Variants in OC90 observed in about 807,000 individuals in gnomAD.
The protein encoded by OC90 is otoconin 90, also known as otoconin-90.
OC90 carries 46 observed loss-of-function variants against 47.3 expected under a neutral mutation model. That is an observed-to-expected ratio of 0.97 (90% CI 0.77 to 1.24). OC90 has a LOEUF of 1.24. Ranked by LOEUF, OC90 falls within the 50% of genes most tolerant of loss-of-function variation. The probability of loss-of-function intolerance (pLI) is 0.00; values close to 1 mark genes in which losing one functional copy is unlikely to be tolerated. For synonymous variants in OC90, 271 were observed against 219.5 expected, an observed-to-expected ratio of 1.23 and a Z score of -2.07; for missense variants, 688 against 583.9, an observed-to-expected ratio of 1.18 and a Z score of -1.84.
rs112589631 is a variant in OC90, at chr8:132,024,314, C to A, written c.*167G>T. 1.8e-6 allele frequency: 1 copy of A among 562,212 alleles called. No individual in the cohort carries two copies. The highest frequency in any genetic ancestry group is 1.9e-5 in the African/African-American group (1 of 53,726). The allele number at this position is 562,212 out of a possible 1,614,324, so 34.8% of individuals were successfully genotyped here. A position where few individuals can be genotyped will look rare whatever the true frequency, so the allele number is the denominator to read the frequency against. On this transcript the variant is annotated 3_prime_UTR_variant, in exon 14 of 14. Coordinates refer to ENST00000254627, the MANE Select transcript of OC90 (RefSeq NM_001080399.3). ...AAGTGTACATTGGCTTGTGAGGTGA[C>A]CACAGCTGATGAGGCATGGGCAGGG...
intron 2 of OC90, among the ~76,000 whole-genome samples, chr8:132,050,723 C>T (rs555319580): frequency 3.9e-5 from 6 of 152,144 alleles, no homozygotes; most frequent in African/African-American, 7.2e-5. Context: ...CTGCATAGGC[C>T]GGGCGCGGTG....
chr8:132,038,259 G>GA (rs1159701227), intron 8 of OC90, among the ~76,000 whole-genome samples: 1 of 152,166 alleles, frequency 6.6e-6, no homozygotes, highest in East Asian at 1.9e-4. Context: ...ACCCTGTTCT[G>GA]AAAATAAACA....
At position 132,041,537 on chromosome 8, in the gene OC90, T is replaced by G; in HGVS notation, c.332A>C (p.Asp111Ala). The change falls in exon 5 of 14, where the codon GAT (aspartate) becomes GCT (alanine). Residue 111 changes from aspartate (D) to alanine (A), a missense_variant. Asp to Ala is a moderately radical substitution (Grantham distance 126, BLOSUM62 -2). Coordinates refer to ENST00000254627, the MANE Select transcript of OC90 (RefSeq NM_001080399.3). ...CRFEMEGLPV[D>A]ESDSCCFQHR... Reference sequence around the variant, plus strand: ...GGAACTCACTTACCTGTCAGATTCATCCACAGGCAACCCTTCCATCTCAAA... The same window carrying G: ...GGAACTCACTTACCTGTCAGATTCAGCCACAGGCAACCCTTCCATCTCAAA... 1 of 1,611,464 alleles carries G rather than the reference T, an allele frequency of 6.2e-7. No homozygotes were observed. The highest frequency in any genetic ancestry group is 8.5e-7 in the Non-Finnish European group (1 of 1,178,818).
chr8:132,033,900 G>A (rs1433610431), intron 10 of OC90, among the ~76,000 whole-genome samples: 1 of 152,196 alleles, frequency 6.6e-6, no homozygotes, highest in Non-Finnish European at 1.5e-5. Flanking sequence ...CTGGAGTATT[G>A]GGTAAGGTCT....
Position 132,037,501 on chromosome 8 carries a change from A to G in OC90, c.629-13T>C. On this transcript the variant is annotated splice_polypyrimidine_tract_variant and intron_variant, in intron 8 of 13. Coordinates refer to ENST00000254627, the MANE Select transcript of OC90 (RefSeq NM_001080399.3). ...TCCACAGGAACCACTGGAAAAAGAG[A>G]GTTCCCAATAGCAGTGACTCATGCA... 1 of 1,570,038 alleles carries G rather than the reference A, an allele frequency of 6.4e-7. No homozygotes were observed. Among genetic ancestry groups the G allele is most frequent in the Non-Finnish European group, 8.6e-7 (1 of 1,156,350 alleles).
chr8:132,038,769 A>T, intron 8 of OC90, 21 bp downstream of exon 8: 1 of 1,610,320 alleles, frequency 6.2e-7, no homozygotes, highest in Non-Finnish European at 8.5e-7. Context: ...TTCAAGAGCC[A>T]CCAACCCTGG....
intron 8 of OC90, 136 bp downstream of exon 8, chr8:132,038,654 G>A (rs1049421073): frequency 9.7e-6 from 7 of 718,128 alleles, no homozygotes; most frequent in South Asian, 6.2e-5. Context: ...CCTAGCCAGA[G>A]AAGGCAGGAC....
intron 1 of OC90, among the ~76,000 whole-genome samples, chr8:132,056,342 G>T (rs1345384487): frequency 2.6e-5 from 4 of 152,198 alleles, no homozygotes; most frequent in African/African-American, 9.6e-5. Context: ...CTTGGTATTA[G>T]GGAAAGTGTC....
At chr8:132,047,713 C>T (rs866859066) in intron 2 of OC90, among the ~76,000 whole-genome samples, 1 of 151,966 alleles carries the variant, frequency 6.6e-6, no homozygotes, top group African/African-American at 2.4e-5. Flanking sequence ...AAATGGGAAA[C>T]TATGGTAAAG....
intron 2 of OC90, among the ~76,000 whole-genome samples, chr8:132,051,674 G>A (rs1823213359): frequency 1.3e-5 from 2 of 152,252 alleles, no homozygotes; most frequent in South Asian, 2.1e-4. Context: ...GACTCCTGGC[G>A]GTAACATGTG....
At chr8:132,058,781 C>T (rs894714228) in intron 1 of OC90, among the ~76,000 whole-genome samples, 4 of 152,208 alleles carry the variant, frequency 2.6e-5, no homozygotes, top group South Asian at 2.1e-4. Flanking sequence ...CACCAGGTGC[C>T]GTGGGCGGGG....
chr8:132,031,786 G>C lies in OC90; in HGVS notation c.1031+95C>G, dbSNP rs79118044. ...GCACCAAGCATTTAGTGAGGCCCAAGTTTCAGCCTGGTGTCCAGGAGGGCT... is the reference window on the plus strand; with the variant it reads ...GCACCAAGCATTTAGTGAGGCCCAACTTTCAGCCTGGTGTCCAGGAGGGCT... On this transcript the variant is annotated intron_variant, in intron 12 of 13. Coordinates refer to ENST00000254627, the MANE Select transcript of OC90 (RefSeq NM_001080399.3). 2.5e-3 allele frequency: 2,765 copies of C among 1,106,256 alleles called. 41 individuals carry two copies. The African/African-American group carries it at 0.037, about 15-fold the overall frequency. The allele number at this position is 1,106,256 out of a possible 1,614,324, so 68.5% of individuals were successfully genotyped here. A position where few individuals can be genotyped will look rare whatever the true frequency, so the allele number is the denominator to read the frequency against.
intron 8 of OC90, among the ~76,000 whole-genome samples, chr8:132,037,914 G>A (rs1015834092): frequency 3.9e-5 from 6 of 152,182 alleles, no homozygotes; most frequent in Admixed American, 2.6e-4. Context: ...TCACGCTCAC[G>A]CTCATGTACA....
At chr8:132,058,124 A>G (rs937990692) in intron 1 of OC90, among the ~76,000 whole-genome samples, 1 of 152,210 alleles carries the variant, frequency 6.6e-6, no homozygotes, top group Non-Finnish European at 1.5e-5. Flanking sequence ...ACAAAGAAGG[A>G]AAGTCAGTGC....
chr8:132,034,763 G>T lies in OC90; in HGVS notation c.733+18C>A. The T allele has an allele frequency of 6.3e-7, 1 of 1,582,110 alleles. No homozygotes were observed. The highest frequency in any genetic ancestry group is 8.7e-7 in the Non-Finnish European group (1 of 1,152,858). On this transcript the variant is annotated intron_variant, in intron 10 of 13. Transcript: ENST00000254627. Reference sequence around the variant, plus strand: ...AAATGTGTCATGAACATAGGCAGGTGGAGCCCAGTAGGCTTACCTGGAGGG... The same window carrying T: ...AAATGTGTCATGAACATAGGCAGGTTGAGCCCAGTAGGCTTACCTGGAGGG...
At position 132,029,091 on chromosome 8, in the gene OC90, C is replaced by T; in HGVS notation, c.1120G>A (p.Val374Met). Reference sequence around the variant, plus strand: ...CACTTACACTTGGGCGTATGATCCACACACACCACCGGTGACCAAGGAAGC... The same window carrying T: ...CACTTACACTTGGGCGTATGATCCATACACACCACCGGTGACCAAGGAAGC... ...ERLPWSPVVC[V>M]DHTPKCGGQS... Residue 374 changes from valine to methionine, a missense_variant, in exon 13 of 14, where the codon GTG (valine) becomes ATG (methionine). Coordinates refer to ENST00000254627, the MANE Select transcript of OC90 (RefSeq NM_001080399.3). 1.9e-6 allele frequency: 3 copies of T among 1,613,528 alleles called. No individual in the cohort carries two copies. The highest frequency in any genetic ancestry group is 2.5e-6 in the Non-Finnish European group (3 of 1,179,460).
At chr8:132,027,704 G>A (rs1822779429) in intron 13 of OC90, among the ~76,000 whole-genome samples, 2 of 152,206 alleles carry the variant, frequency 1.3e-5, no homozygotes, top group African/African-American at 4.8e-5. Flanking sequence ...AGTGGTCCCT[G>A]CCTGAGGCCC....
intron 2 of OC90, 58 bp downstream of exon 2, chr8:132,054,923 T>C: frequency 7.7e-7 from 1 of 1,292,686 alleles, no homozygotes; most frequent in South Asian, 1.4e-5. Flanking sequence ...AGGGACAGTA[T>C]TCAAATGAAG....
rs11991293 is a variant in OC90 at position 132,036,518 on chromosome 8, C to T, written c.679+920G>A. On this transcript the variant is annotated intron_variant, in intron 9 of 13. Transcript: ENST00000254627. ...GGGGCTGAGGATGTAAGAGAGGAGG[C>T]TTAGGGTAATCCGATCAGGGCATAT... is the stretch of plus-strand genomic sequence containing the variant. 6,141 of 764,034 alleles carry T rather than the reference C, an allele frequency of 8.0e-3. 233 individuals are homozygous for T. In the African/African-American group the frequency reaches 0.089, roughly 11 times the overall value. 47.3% of individuals were successfully genotyped at this position (764,034 alleles called of 1,614,324 possible). A position where few individuals can be genotyped will look rare whatever the true frequency, so the allele number is the denominator to read the frequency against.
Sources: gnomAD v4.1 joint callset for allele counts (sites outside exome capture counted in the v4.1 genomes callset) on GRCh38, gnomAD v4.1.1 for gene constraint, MANE v1.5 for transcripts, NCBI Gene and HGNC (gene_info 2026-07-23, HGNC 2026-07-21) for gene names.